Variants in UTRN observed in about 807,000 individuals in gnomAD.
The protein encoded by UTRN is dystrophin-related protein 1.
Under a neutral mutation model 463.9 loss-of-function variants are expected in UTRN, and 283 were observed. The ratio of observed to expected loss-of-function variants is 0.61; its 90% CI spans 0.55 to 0.67. The LOEUF is 0.67. Among genes scored for constraint, UTRN ranks in the 30% least tolerant of loss-of-function variants. UTRN has a pLI of 0.00. For synonymous variants in UTRN, 1,442 were observed against 1,431.5 expected (o/e 1.01, Z -0.17); for missense variants, 3,922 against 4,084.3 (o/e 0.96, Z 1.08).
Position 144,772,039 on chromosome 6 carries a change from T to TG in UTRN, c.8557+71_8557+72insG, listed in dbSNP as rs1554384516. ...CGGTTTTTTTTTTTTTTTTTTTTTT[T>TG]TTTTTTTTTTTTTTAAGGTGGATTC... is the stretch of plus-strand genomic sequence containing the variant. On this transcript the variant is annotated intron_variant, in intron 59 of 74. Transcript: ENST00000367545. 6 of 1,085,896 alleles carry TG rather than the reference T, an allele frequency of 5.5e-6. No homozygotes were observed. The African/African-American group carries it at 1.2e-4, about 21-fold the overall frequency. 67.3% of individuals were successfully genotyped at this position (1,085,896 alleles called of 1,614,324 possible).
intron 55 of UTRN, among the ~76,000 whole-genome samples, chr6:144,751,517 G>A (rs916362825): frequency 2.0e-5 from 3 of 152,092 alleles, no homozygotes; most frequent in South Asian, 2.1e-4. Context: ...CCAGGACCCC[G>A]CATGTACCAA....
intron 60 of UTRN, among the ~76,000 whole-genome samples, chr6:144,779,112 G>C (rs1775591549): frequency 6.6e-6 from 1 of 152,192 alleles, no homozygotes; most frequent in East Asian, 1.9e-4. Context: ...GCCTGATGCA[G>C]GAAATGGGCT....
At position 144,440,397 on chromosome 6, in the gene UTRN, C is replaced by T. The variant is rs1261224153; in HGVS notation, c.1438C>T (p.Leu480=). Residue 480 remains leucine, a synonymous_variant, in exon 13 of 75, where the codon CTA becomes TTA. Coordinates refer to ENST00000367545, the MANE Select transcript of UTRN (RefSeq NM_007124.3). ...LEAEQVKVNS[L]THMVVIVDEN... Reference sequence around the variant, plus strand: ...GGCTGAACAGGTGAAAGTAAATTCACTAACTCACATGGTGGTCATTGTTGA... The same window carrying T: ...GGCTGAACAGGTGAAAGTAAATTCATTAACTCACATGGTGGTCATTGTTGA... 4.3e-6 allele frequency: 7 copies of T among 1,614,156 alleles called. No homozygotes were observed. The highest frequency in any genetic ancestry group is 4.2e-6 in the Non-Finnish European group (5 of 1,180,026).
At chr6:144,571,706 T>G (rs1277718481) in intron 50 of UTRN, among the ~76,000 whole-genome samples, 1 of 152,226 alleles carries the variant, frequency 6.6e-6, no homozygotes, top group Non-Finnish European at 1.5e-5. Context: ...TACTGTAATT[T>G]TGTTTCCTAT....
chr6:144,351,711 T>C (rs936800495), intron 2 of UTRN, among the ~76,000 whole-genome samples: 2 of 152,212 alleles, frequency 1.3e-5, no homozygotes, highest in Non-Finnish European at 2.9e-5. Context: ...AGAGAGGTTA[T>C]TTCTCCAAAT....
chr6:144,798,013 G>A, intron 64 of UTRN, 23 bp downstream of exon 64: 1 of 1,613,598 alleles, frequency 6.2e-7, no homozygotes, highest in Non-Finnish European at 8.5e-7. Flanking sequence ...AGTGCTGGAG[G>A]AGGCTATTTT....
chr6:144,533,998 GA>G (rs1797310716), intron 43 of UTRN, among the ~76,000 whole-genome samples: 2 of 151,732 alleles, frequency 1.3e-5, no homozygotes, highest in South Asian at 4.2e-4. Flanking sequence ...AAAACTCCAC[GA>G]TTTTTTTTTC....
chr6:144,827,668 T>C lies in UTRN; in HGVS notation c.9591T>C (p.Tyr3197=), dbSNP rs1483136333. The change falls in exon 68 of 75, where the codon TAT becomes TAC. Residue 3197 remains tyrosine, a synonymous_variant. Coordinates refer to ENST00000367545, the MANE Select transcript of UTRN (RefSeq NM_007124.3). ...ACACCCATTCAAGAATAGAACAATA[T>C]GCCACACGGTAAGAAACTTTGATCA... ...HDDTHSRIEQ[Y]ATRLAQMERT... 3 of 1,613,510 alleles carry C rather than the reference T, an allele frequency of 1.9e-6. No individual in the cohort carries two copies. Among genetic ancestry groups the C allele is most frequent in the East Asian group, 4.5e-5 (2 of 44,854 alleles).
At chr6:144,759,779 G>A (rs1352105971) in intron 58 of UTRN, among the ~76,000 whole-genome samples, 1 of 151,936 alleles carries the variant, frequency 6.6e-6, no homozygotes, top group African/African-American at 2.4e-5. Context: ...CAAAGAAATG[G>A]GATTCTCTCT....
rs1803632484 is a variant in UTRN at position 144,286,087 on chromosome 6, C to G, written c.-93+266C>G. On this transcript the variant is annotated intron_variant, in intron 1 of 74. Coordinates refer to ENST00000367545, the MANE Select transcript of UTRN (RefSeq NM_007124.3). This position sits in a 1 kb window ranked among gnomAD's most constrained non-coding sequence, Gnocchi z 4.4. ...GGCGTGGAGGTCCTTGGGATCCGTA[C>G]TAGTTGTGAACGATCCAAACTTATC... Among the ~76,000 whole-genome samples the G allele has an allele frequency of 6.6e-6, 1 of 152,186 alleles. No individual in the cohort carries two copies. The highest frequency in any genetic ancestry group is 2.4e-5 in the African/African-American group (1 of 41,442).
intron 61 of UTRN, among the ~76,000 whole-genome samples, chr6:144,788,306 A>G (rs933699644): frequency 3.3e-5 from 5 of 152,196 alleles, no homozygotes; most frequent in Non-Finnish European, 5.9e-5. Flanking sequence ...ACAGAAAATT[A>G]ACTATATACT....
At chr6:144,838,557 G>A (rs1039958450) in intron 71 of UTRN, among the ~76,000 whole-genome samples, 3 of 152,122 alleles carry the variant, frequency 2.0e-5, no homozygotes, top group African/African-American at 4.8e-5. Context: ...GTGCCTTTAC[G>A]AAGTATTTAC....
chr6:144,727,523 C>T (rs953544472), intron 53 of UTRN, among the ~76,000 whole-genome samples: 1 of 152,194 alleles, frequency 6.6e-6, no homozygotes. Context: ...CTTTGGGAGG[C>T]CAAGGCGGGC....
intron 51 of UTRN, among the ~76,000 whole-genome samples, chr6:144,663,683 C>T (rs916243789): frequency 1.3e-5 from 2 of 151,976 alleles, no homozygotes; most frequent in South Asian, 2.1e-4. Flanking sequence ...GTGTGAGTGC[C>T]GTTCTCTTAG....
At chr6:144,531,002 C>A in intron 41 of UTRN, 50 bp from the exon 42 acceptor site, 2 of 1,564,738 alleles carry the variant, frequency 1.3e-6, no homozygotes, top group Non-Finnish European at 8.7e-7. Flanking sequence ...TGGCTTTAGG[C>A]AGTCCTGGAA....
In UTRN at chr6:144,429,640, G is replaced by T; in HGVS notation, c.754G>T (p.Glu252Ter). Residue 252 changes from glutamate (E) to a stop codon, truncating the protein, a stop_gained, in exon 9 of 75, where the codon GAG becomes TAG. Coordinates refer to ENST00000367545, the MANE Select transcript of UTRN (RefSeq NM_007124.3). LOFTEE classifies it high-confidence loss of function. ...SIIMYLTSLF[E>*]VLPQQVTIDA... is the part of the protein sequence containing the mutation. ...AATTATGTATTTAACATCTTTGTTT[G>T]AGGTGCTACCTCAGCAAGTCACCAT... The T allele has an allele frequency of 6.2e-7, 1 of 1,612,174 alleles. No individual in the cohort carries two copies. The highest frequency in any genetic ancestry group is 8.5e-7 in the Non-Finnish European group (1 of 1,179,086).
At chr6:144,642,506 T>C (rs1777873689) in intron 51 of UTRN, among the ~76,000 whole-genome samples, 1 of 152,230 alleles carries the variant, frequency 6.6e-6, no homozygotes. Context: ...TAAGTTGTGC[T>C]GCAAATGGCT....
At chr6:144,409,563 G>A (rs1783701612) in intron 3 of UTRN, among the ~76,000 whole-genome samples, 1 of 152,136 alleles carries the variant, frequency 6.6e-6, no homozygotes, top group Non-Finnish European at 1.5e-5. Flanking sequence ...TGCAGGGAAG[G>A]GTGGGCTTAT....
chr6:144,370,603 G>A (rs914485035), intron 2 of UTRN, among the ~76,000 whole-genome samples: 10 of 152,206 alleles, frequency 6.6e-5, no homozygotes, highest in African/African-American at 1.9e-4. Context: ...CTGGGGAACT[G>A]CCTAATGGAG....
Sources: allele counts gnomAD v4.1 joint callset (sites outside exome capture counted in the v4.1 genomes callset), GRCh38; gene constraint gnomAD v4.1.1; non-coding constraint Gnocchi (gnomAD v3.1); transcripts MANE v1.5; gene names NCBI Gene and HGNC (gene_info 2026-07-23, HGNC 2026-07-21).